RAB7A: variants seen among roughly 807,000 people sequenced by gnomAD.
RAB7A encodes RAB7A, member RAS oncogene family.
RAB7A carries 2 observed loss-of-function variants against 24.5 expected under a neutral mutation model. That is an observed-to-expected ratio of 0.08 (90% CI 0.03 to 0.26). RAB7A has a LOEUF of 0.26. Ranked by LOEUF, RAB7A falls within the 10% of genes least tolerant of loss-of-function variation. The pLI, the probability that RAB7A is intolerant of heterozygous loss-of-function variation, is 1.00. For synonymous variants in RAB7A, 100 were observed against 95.9 expected, an observed-to-expected ratio of 1.04 and a Z score of -0.25; for missense variants, 118 against 255.7, an observed-to-expected ratio of 0.46 and a Z score of 3.67.
intron 1 of RAB7A, among the ~76,000 whole-genome samples, chr3:128,744,672 C>T (rs2107587912): frequency 6.6e-6 from 1 of 152,188 alleles, no homozygotes; most frequent in East Asian, 1.9e-4. Context: ...CTATTGTGGA[C>T]CTTTTGGCCC....
At chr3:128,793,399 C>T (rs998952454) in intron 1 of RAB7A, among the ~76,000 whole-genome samples, 2 of 151,524 alleles carry the variant, frequency 1.3e-5, no homozygotes, top group African/African-American at 4.9e-5. Context: ...GTGATCCACC[C>T]ACCTCGGGCC....
intron 1 of RAB7A, among the ~76,000 whole-genome samples, chr3:128,726,853 C>T (rs907724738): frequency 3.3e-5 from 5 of 152,242 alleles, no homozygotes; most frequent in African/African-American, 1.2e-4. Flanking sequence ...AGTTCCCTGA[C>T]GGCAACTGAG....
At chr3:128,791,379 G>T (rs763270525) in intron 1 of RAB7A, among the ~76,000 whole-genome samples, 1 of 152,112 alleles carries the variant, frequency 6.6e-6, no homozygotes, top group Non-Finnish European at 1.5e-5. Context: ...GGCCTCAGGT[G>T]ATTCACCTTC....
chr3:128,803,538 A>G (rs1434744415), intron 3 of RAB7A, among the ~76,000 whole-genome samples: 1 of 152,206 alleles, frequency 6.6e-6, no homozygotes, highest in Admixed American at 6.5e-5. Flanking sequence ...GCAGCAATCC[A>G]GAGTTCTGAG....
chr3:128,792,213 T>C (rs1379806777), intron 1 of RAB7A, among the ~76,000 whole-genome samples: 2 of 152,190 alleles, frequency 1.3e-5, no homozygotes, highest in Non-Finnish European at 2.9e-5. Flanking sequence ...AATTCTATCA[T>C]GTAGGAGTCT....
rs567911861 is a variant in RAB7A, at chr3:128,765,496, G to A, written c.-8-29864G>A. ...GTCTTAGTTCCTTTGGGCTATTGTT[G>A]CAAGATATCTTAGACTGGATAATTT... On this transcript the variant is annotated intron_variant, in intron 1 of 5. Transcript: ENST00000265062. 2.0e-5 allele frequency among the ~76,000 whole-genome samples: 3 copies of A among 152,270 alleles called. No individual in the cohort carries two copies. In the East Asian group the frequency reaches 5.8e-4, roughly 29 times the overall value.
At chr3:128,783,860 T>C (rs1933273879) in intron 1 of RAB7A, among the ~76,000 whole-genome samples, 1 of 152,246 alleles carries the variant, frequency 6.6e-6, no homozygotes, top group Non-Finnish European at 1.5e-5. Context: ...TGAACACTTC[T>C]TTTTAGGCAT....
intron 1 of RAB7A, among the ~76,000 whole-genome samples, chr3:128,763,188 T>TTATATATATATATATATA (rs765866649): frequency 4.9e-5 from 4 of 82,116 alleles, no homozygotes; most frequent in African/African-American, 1.9e-4. Context: ...TACATTTAGC[T>TTATATATATATATATATA]TATATATATA....
intron 1 of RAB7A, among the ~76,000 whole-genome samples, chr3:128,775,439 C>T (rs1933067523): frequency 6.6e-6 from 1 of 152,204 alleles, no homozygotes; most frequent in South Asian, 2.1e-4. Context: ...TCTCTCTTTT[C>T]TTAGTAGCAG....
chr3:128,811,838 G>C (rs1354541774), intron 5 of RAB7A, among the ~76,000 whole-genome samples: 5 of 149,314 alleles, frequency 3.3e-5, no homozygotes, highest in Admixed American at 3.3e-4. Flanking sequence ...GACAGAGCAA[G>C]ACTCTGCCTC....
chr3:128,756,867 G>A (rs1050762122), intron 1 of RAB7A, among the ~76,000 whole-genome samples: 21 of 147,408 alleles, frequency 1.4e-4, no homozygotes, highest in Admixed American at 3.4e-4. Context: ...TTTTTGAGAC[G>A]GAGTTGCGCT....
intron 3 of RAB7A, among the ~76,000 whole-genome samples, chr3:128,801,871 TAA>T (rs563001251): frequency 6.8e-6 from 1 of 147,338 alleles, no homozygotes. Flanking sequence ...ATAATGAAAT[TAA>T]AAAAAAAAGA....
chr3:128,776,435 A>C (rs1252256994), intron 1 of RAB7A, among the ~76,000 whole-genome samples: 1 of 152,056 alleles, frequency 6.6e-6, no homozygotes, highest in Non-Finnish European at 1.5e-5. Context: ...ACAGGTGCAC[A>C]ATACCACACC....
chr3:128,735,155 T>C (rs557311571), intron 1 of RAB7A, among the ~76,000 whole-genome samples: 4 of 152,184 alleles, frequency 2.6e-5, no homozygotes, highest in Non-Finnish European at 5.9e-5. Flanking sequence ...ACAGGGCAGA[T>C]GAGAGTTACT....
At chr3:128,742,779 G>A (rs1338760762) in intron 1 of RAB7A, among the ~76,000 whole-genome samples, 2 of 152,222 alleles carry the variant, frequency 1.3e-5, no homozygotes, top group Non-Finnish European at 2.9e-5. Flanking sequence ...TAGACACAGA[G>A]TGCTGATTGG....
intron 1 of RAB7A, among the ~76,000 whole-genome samples, chr3:128,753,209 C>T (rs1312858679): frequency 1.3e-5 from 2 of 152,116 alleles, no homozygotes; most frequent in African/African-American, 4.8e-5. Context: ...TTGTCATATG[C>T]AGCAACATGG....
At chr3:128,760,197 G>T (rs1189388154) in intron 1 of RAB7A, among the ~76,000 whole-genome samples, 1 of 152,160 alleles carries the variant, frequency 6.6e-6, no homozygotes, top group Non-Finnish European at 1.5e-5. Context: ...GGCTGAGCAG[G>T]AAAGTCTTCT....
At chr3:128,798,821 TAAAAAAAAA>T (rs56925997) in intron 3 of RAB7A, 9 of 150,594 alleles carry the variant, frequency 6.0e-5, no homozygotes, top group Middle Eastern at 2.8e-3. Context: ...TCTCTAAATT[TAAAAAAAAA>T]AAAAAAAAAA....
chr3:128,778,101 G>T (rs989458584), intron 1 of RAB7A, among the ~76,000 whole-genome samples: 1 of 152,192 alleles, frequency 6.6e-6, no homozygotes, highest in African/African-American at 2.4e-5. Context: ...TATAAATTGA[G>T]TCTTGAGATG....
Sources: allele counts gnomAD v4.1 joint callset (sites outside exome capture counted in the v4.1 genomes callset), GRCh38; gene constraint gnomAD v4.1.1; transcripts MANE v1.5; gene names NCBI Gene and HGNC (gene_info 2026-07-23, HGNC 2026-07-21).